Variants in CFAP221 observed in about 807,000 individuals in gnomAD.
CFAP221 encodes cilia and flagella associated protein 221.
Under a neutral mutation model 113.1 loss-of-function variants are expected in CFAP221, and 97 were observed. The ratio of observed to expected loss-of-function variants is 0.86; its 90% confidence interval spans 0.73 to 1.02. CFAP221 has a LOEUF of 1.02. Ranked by LOEUF, CFAP221 falls within the 50% of genes least tolerant of loss-of-function variation. CFAP221 has a pLI of 0.00. For missense variants in CFAP221, 1,025 were observed against 1,013.4 expected (o/e 1.01, Z -0.16); for synonymous variants, 331 against 354.4 (o/e 0.93, Z 0.74).
intron 14 of CFAP221, among the ~76,000 whole-genome samples, chr2:119,623,643 C>T (rs1316576195): frequency 6.6e-6 from 1 of 152,228 alleles, no homozygotes; most frequent in African/African-American, 2.4e-5. Context: ...GTAACCAAAA[C>T]AGCATGGTAC....
intron 12 of CFAP221, 105 bp from the exon 13 acceptor site, chr2:119,611,548 T>G: frequency 1.2e-6 from 1 of 864,902 alleles, no homozygotes. Flanking sequence ...GGGAACGTCG[T>G]GGGTGGATTT....
At chr2:119,657,634 T>C (rs763174222), downstream of CFAP221, among the ~76,000 whole-genome samples, 6 of 152,252 alleles carry the variant, frequency 3.9e-5, no homozygotes, top group Non-Finnish European at 5.9e-5. Context: ...AAACAGGAAA[T>C]TACAATCGGT....
At chr2:119,568,696 T>G (rs1314035907) in intron 6 of CFAP221, among the ~76,000 whole-genome samples, 1 of 152,228 alleles carries the variant, frequency 6.6e-6, no homozygotes, top group Non-Finnish European at 1.5e-5. Flanking sequence ...CTGGATAGTA[T>G]TCCATGGTGT....
Position 119,583,666 on chromosome 2 carries a change from T to G in CFAP221, c.528-3453T>G, listed in dbSNP as rs111846269. On this transcript the variant is annotated intron_variant, in intron 6 of 23. Transcript: ENST00000413369. The stretch of plus-strand genomic sequence containing the variant: ...AAGATACCTGGTGCTATGGTCTGAA[T>G]GTTTGTTTCCCCCTCAAAATGTATG... Among the ~76,000 whole-genome samples the G allele has an allele frequency of 3.4e-3, 520 of 152,338 alleles. 2 individuals are homozygous for G. Among genetic ancestry groups the G allele is most frequent in the African/African-American group, 0.012 (503 of 41,590 alleles).
At chr2:119,634,459 C>G (rs1014769242) in intron 19 of CFAP221, among the ~76,000 whole-genome samples, 2 of 151,950 alleles carry the variant, frequency 1.3e-5, no homozygotes, top group Non-Finnish European at 2.9e-5. Flanking sequence ...AAAACAAGAC[C>G]GTGTTTCAAA....
At chr2:119,568,355 G>T (rs1313826950) in intron 6 of CFAP221, among the ~76,000 whole-genome samples, 1 of 151,688 alleles carries the variant, frequency 6.6e-6, no homozygotes. Flanking sequence ...TAAGTTCTGG[G>T]ATACATGTGC....
rs756806071 is a variant in CFAP221 at position 119,601,338 on chromosome 2, G to A, written c.752G>A (p.Cys251Tyr). ...CAGTTCAACTCTCAACCATACGAATGTGTCTTCACCGGAACATGCTATCCC... is the reference window on the plus strand; with the variant it reads ...CAGTTCAACTCTCAACCATACGAATATGTCTTCACCGGAACATGCTATCCC... ...ISQFNSQPYE[C>Y]VFTGTCYPNM... Residue 251 changes from cysteine to tyrosine, a missense_variant, in exon 8 of 24, where the codon TGT becomes TAT. By Grantham distance (194) the Cys-to-Tyr change is radical. Coordinates refer to ENST00000413369, the MANE Select transcript of CFAP221 (RefSeq NM_001271049.2). 5.9e-5 allele frequency: 91 copies of A among 1,534,574 alleles called. No homozygotes were observed. The highest frequency in any genetic ancestry group is 7.8e-5 in the Non-Finnish European group (89 of 1,146,030).
intron 3 of CFAP221, among the ~76,000 whole-genome samples, chr2:119,550,757 C>T (rs983691246): frequency 2.0e-5 from 3 of 152,044 alleles, no homozygotes; most frequent in African/African-American, 4.8e-5. Context: ...CATTTATTAC[C>T]ATAAATTTAC....
intron 6 of CFAP221, chr2:119,572,768 T>A (rs540503714): frequency 1.5e-4 from 83 of 545,322 alleles, no homozygotes; most frequent in African/African-American, 1.2e-3. Flanking sequence ...GGTAAAATGA[T>A]GCCATGGGCA....
chr2:119,638,169 G>A (rs746707169), intron 19 of CFAP221, 90 bp from the exon 20 acceptor site: 7 of 1,383,122 alleles, frequency 5.1e-6, no homozygotes, highest in African/African-American at 1.4e-5. Context: ...GTGCTAGTGG[G>A]AGCCACAGAC....
chr2:119,625,109 A>G (rs531533630), intron 14 of CFAP221, among the ~76,000 whole-genome samples: 10 of 152,198 alleles, frequency 6.6e-5, no homozygotes, highest in Non-Finnish European at 1.0e-4. Flanking sequence ...CTCTGGGCTC[A>G]GGTAGCACTC....
At chr2:119,587,348 C>A in intron 7 of CFAP221, 126 bp downstream of exon 7, 1 of 536,304 alleles carries the variant, frequency 1.9e-6, no homozygotes, top group Non-Finnish European at 3.0e-6. Context: ...GAATTGGACA[C>A]GTCAGAATAA....
rs954657483 is a variant in CFAP221 at position 119,587,156 on chromosome 2, G to C, written c.565G>C (p.Val189Leu). 6.5e-7 allele frequency: 1 copy of C among 1,532,124 alleles called. No homozygotes were observed. 94.9% of individuals were successfully genotyped at this position (1,532,124 alleles called of 1,614,324 possible). A position where few individuals can be genotyped will look rare whatever the true frequency, so the allele number is the denominator to read the frequency against. Residue 189 changes from valine (V) to leucine (L), a missense_variant, in exon 7 of 24, where the codon GTA becomes CTA. Physicochemically the swap from Val to Leu is conservative, Grantham distance 32. Transcript: ENST00000413369. ...TATTCCTTTGCAGTGCAGCTGCCCT[G>C]TAGATTTTGAGTTTTATATCACCTT... ...YVIPLQCSCP[V>L]DFEFYITLIQ...
intron 6 of CFAP221, among the ~76,000 whole-genome samples, chr2:119,575,785 T>C (rs1682404026): frequency 6.6e-6 from 1 of 152,188 alleles, no homozygotes; most frequent in African/African-American, 2.4e-5. Flanking sequence ...TAAAAACCTG[T>C]GTTTTTGAAA....
chr2:119,601,674 T>G (rs1262516401), intron 8 of CFAP221: 1 of 251,614 alleles, frequency 4.0e-6, no homozygotes, highest in Non-Finnish European at 7.5e-6. Flanking sequence ...TATGCATGTC[T>G]TATTGCCTAG....
intron 6 of CFAP221, among the ~76,000 whole-genome samples, chr2:119,577,976 C>A (rs990978048): frequency 2.0e-5 from 3 of 152,210 alleles, no homozygotes; most frequent in Admixed American, 1.3e-4. Flanking sequence ...CTGCTCCATG[C>A]ACAGCCAGCT....
chr2:119,605,943 ATAGCCAAAAAGTGGAAACTAC>A (rs1273943236), intron 11 of CFAP221, among the ~76,000 whole-genome samples: 2 of 152,206 alleles, frequency 1.3e-5, no homozygotes, highest in African/African-American at 4.8e-5. Flanking sequence ...ATTATTCATA[ATAGCCAAAAAGTGGAAACTAC>A]TGAAATGTCT....
rs1030775600 is a variant in CFAP221 at position 119,615,666 on chromosome 2, G to T, written c.1367G>T (p.Ser456Ile). The T allele has an allele frequency of 6.2e-7, 1 of 1,613,138 alleles. No individual in the cohort carries two copies. The highest frequency in any genetic ancestry group is 8.5e-7 in the Non-Finnish European group (1 of 1,179,622). Reference protein sequence around the residue: ...FDPLINNTWLSRSRAQKRFQQ... With the variant: ...FDPLINNTWLIRSRAQKRFQQ... ...CCACTCATTAATAACACTTGGCTCA[G>T]CAGGTCCAGGGCACAAAAACGGTTT... is the stretch of plus-strand genomic sequence containing the variant. The change falls in exon 14 of 24, where the codon AGC becomes ATC. Residue 456 changes from serine to isoleucine, a missense_variant. Physicochemically the swap from Ser to Ile is moderately radical, Grantham distance 142. Transcript: ENST00000413369.
intron 6 of CFAP221, among the ~76,000 whole-genome samples, chr2:119,566,652 C>T (rs1036783712): frequency 1.7e-4 from 26 of 152,186 alleles, no homozygotes; most frequent in African/African-American, 5.8e-4. Flanking sequence ...GAAATGTGCA[C>T]CTCTGAGTGC....
Sources: gnomAD v4.1 joint callset for allele counts (sites outside exome capture counted in the v4.1 genomes callset) on GRCh38, gnomAD v4.1.1 for gene constraint, MANE v1.5 for transcripts, NCBI Gene and HGNC (gene_info 2026-07-23, HGNC 2026-07-21) for gene names.